Variants in GLIS3 observed in about 807,000 individuals in gnomAD.
The protein encoded by GLIS3 is GLIS family zinc finger 3.
Under a neutral mutation model 78.6 loss-of-function variants are expected in GLIS3, and 53 were observed. The ratio of observed to expected loss-of-function variants is 0.67; its 90% CI spans 0.54 to 0.85. The LOEUF (loss-of-function observed/expected upper bound fraction) is 0.85, where lower values mean the gene tolerates loss of function less well. GLIS3 is among the 40% of genes least tolerant of loss of function. The pLI is 0.00. For synonymous variants in GLIS3, 684 were observed against 509.9 expected (o/e 1.34, Z -4.60); for missense variants, 1,703 against 1,231.1 (o/e 1.38, Z -5.74).
intron 4 of GLIS3, among the ~76,000 whole-genome samples, chr9:4,088,935 A>G (rs1829267480): frequency 6.6e-6 from 1 of 152,268 alleles, no homozygotes; most frequent in Non-Finnish European, 1.5e-5. Flanking sequence ...CCTCGAGAAA[A>G]AAATGGAATA....
At chr9:4,223,284 A>G (rs973706336) in intron 2 of GLIS3, among the ~76,000 whole-genome samples, 2 of 152,336 alleles carry the variant, frequency 1.3e-5, no homozygotes, top group East Asian at 3.9e-4. Flanking sequence ...TACCACTTCT[A>G]CTGTGTCACT....
the GLIS3 span, among the ~76,000 whole-genome samples, chr9:4,396,827 C>T: frequency 1.3e-5 from 2 of 152,016 alleles, no homozygotes; most frequent in East Asian, 1.9e-4. Flanking sequence ...CATTGAGTTA[C>T]GGGCTTGTGA....
At chr9:4,141,097 GC>G (rs758278994) in intron 2 of GLIS3, among the ~76,000 whole-genome samples, 29 of 152,166 alleles carry the variant, frequency 1.9e-4, no homozygotes, top group Non-Finnish European at 4.1e-4. Flanking sequence ...ACCGTGCCTG[GC>G]CAAATTCATC....
intron 2 of GLIS3, among the ~76,000 whole-genome samples, chr9:4,202,421 T>C (rs1819487150): frequency 1.0e-5 from 1 of 97,054 alleles, no homozygotes; most frequent in Non-Finnish European, 2.1e-5. Flanking sequence ...AAGGACTCAG[T>C]CTCAAAAAAT....
Position 4,151,804 on chromosome 9 carries a change from G to A in GLIS3, c.389-25863C>T, listed in dbSNP as rs540983805. Among the ~76,000 whole-genome samples, 5 of 152,292 alleles carry A rather than the reference G, an allele frequency of 3.3e-5. No homozygotes were observed. In the East Asian group the frequency reaches 9.6e-4, roughly 29 times the overall value. ...TGGTAATGAAGCATAATAATCATCT[G>A]TTCCTAGTTAAACATACTCATACCT... On this transcript the variant is annotated intron_variant, in intron 2 of 10. Transcript: ENST00000381971.
intron 1 of GLIS3, among the ~76,000 whole-genome samples, chr9:4,298,715 G>T (rs1388881195): frequency 6.6e-6 from 1 of 152,196 alleles, no homozygotes; most frequent in Admixed American, 6.5e-5. Flanking sequence ...AACCCGGCGG[G>T]GAGGGTTCGT....
At chr9:3,882,688 A>G (rs1588146423) in intron 7 of GLIS3, among the ~76,000 whole-genome samples, 1 of 152,098 alleles carries the variant, frequency 6.6e-6, no homozygotes, top group African/African-American at 2.4e-5. Context: ...CTTGAATGCT[A>G]TGGCTGGTGA....
chr9:4,298,952 C>A lies in GLIS3; in HGVS notation c.-99+469G>T, dbSNP rs560347102. ...AGACAACTACAGCCCCGCGTGTGCG[C>A]GAGAGACCTCACGTCACCCCATCAG... On this transcript the variant is annotated intron_variant, in intron 1 of 10. Coordinates refer to ENST00000381971, the MANE Select transcript of GLIS3 (RefSeq NM_001042413.2). Among the ~76,000 whole-genome samples, 15 of 152,278 alleles carry A rather than the reference C, an allele frequency of 9.9e-5. No homozygotes were observed. In the South Asian group the frequency reaches 3.1e-3, roughly 32 times the overall value.
In GLIS3 at chr9:3,937,232, A is replaced by C. The variant is rs536699311; in HGVS notation, c.1711-43T>G. On this transcript the variant is annotated intron_variant, in intron 4 of 10. Transcript: ENST00000381971. ...TTTTTGGTGGTTGAGAAGGACCTTGAATGTTTGAGTCTGGGGGACAGCTAA... is the reference window on the plus strand; with the variant it reads ...TTTTTGGTGGTTGAGAAGGACCTTGCATGTTTGAGTCTGGGGGACAGCTAA... The C allele has an allele frequency of 3.2e-5, 52 of 1,610,374 alleles. 1 individual carries two copies. In the South Asian group the frequency reaches 4.9e-4, roughly 15 times the overall value.
chr9:3,956,741 C>G (rs914082201), intron 4 of GLIS3, among the ~76,000 whole-genome samples: 8 of 152,256 alleles, frequency 5.3e-5, no homozygotes, highest in East Asian at 3.9e-4. Context: ...TTTGAATAAT[C>G]CTCAAACAGT....
intron 2 of GLIS3, among the ~76,000 whole-genome samples, chr9:4,341,146 C>T (rs1817828700): frequency 6.6e-6 from 1 of 152,186 alleles, no homozygotes; most frequent in Admixed American, 6.5e-5. Flanking sequence ...ACAGACTTTC[C>T]TAGTTGCATT....
chr9:4,323,837 G>C (rs540574535), intron 2 of GLIS3, among the ~76,000 whole-genome samples: 204 of 152,308 alleles, frequency 1.3e-3, no homozygotes, highest in Non-Finnish European at 2.5e-3. Flanking sequence ...GTTGCTGTTT[G>C]AATGAATCAT....
At chr9:4,021,082 G>T (rs1221252162) in intron 4 of GLIS3, among the ~76,000 whole-genome samples, 2 of 152,200 alleles carry the variant, frequency 1.3e-5, no homozygotes, top group Non-Finnish European at 2.9e-5. Context: ...AGCTCAGAAA[G>T]TCTCTGAAAC....
intron 4 of GLIS3, among the ~76,000 whole-genome samples, chr9:3,942,692 T>TTAAAACA (rs1435280080): frequency 3.3e-5 from 5 of 152,292 alleles, no homozygotes; most frequent in African/African-American, 1.2e-4. Flanking sequence ...AGGAGACTCG[T>TTAAAACA]TAAAACACAG....
chr9:3,935,972 C>T (rs924505783), intron 5 of GLIS3, among the ~76,000 whole-genome samples: 3 of 152,042 alleles, frequency 2.0e-5, no homozygotes, highest in Non-Finnish European at 4.4e-5. Context: ...ATGAATATGA[C>T]TAATAGAGAC....
intron 2 of GLIS3, among the ~76,000 whole-genome samples, chr9:4,315,132 A>G (rs1185914410): frequency 6.6e-6 from 1 of 152,228 alleles, no homozygotes; most frequent in Non-Finnish European, 1.5e-5. Flanking sequence ...GAGAAGAGAA[A>G]GAGTCTAATT....
intron 2 of GLIS3, among the ~76,000 whole-genome samples, chr9:4,263,764 T>C (rs941319368): frequency 7.9e-5 from 12 of 152,192 alleles, no homozygotes; most frequent in Admixed American, 3.3e-4. Flanking sequence ...TCTGGCCTAG[T>C]TGATCACTCC....
intron 2 of GLIS3, among the ~76,000 whole-genome samples, chr9:4,196,928 C>A (rs147510723): frequency 5.3e-5 from 8 of 152,292 alleles, no homozygotes; most frequent in African/African-American, 1.9e-4. Flanking sequence ...CAGTAGGGCC[C>A]TCTCCGCTCC....
chr9:4,029,505 A>G (rs900200731), intron 4 of GLIS3, among the ~76,000 whole-genome samples: 3 of 152,202 alleles, frequency 2.0e-5, no homozygotes, highest in Non-Finnish European at 2.9e-5. Flanking sequence ...ATTATTGACT[A>G]TGGTGACACC....
Sources: allele counts gnomAD v4.1 joint callset (sites outside exome capture counted in the v4.1 genomes callset), GRCh38; gene constraint gnomAD v4.1.1; transcripts MANE v1.5; gene names NCBI Gene and HGNC (gene_info 2026-07-23, HGNC 2026-07-21).